PPA2: variants seen among roughly 807,000 people sequenced by gnomAD.
The protein encoded by PPA2 is inorganic pyrophosphatase 2, mitochondrial.
PPA2 carries 48 observed loss-of-function variants against 49.5 expected under a neutral mutation model. The ratio of observed to expected loss-of-function variants is 0.97; its 90% confidence interval spans 0.77 to 1.23. PPA2 has a LOEUF of 1.23. Among genes scored for constraint, PPA2 ranks in the 50% most tolerant of loss-of-function variants. PPA2 has a pLI of 0.00. For missense variants in PPA2, 429 were observed against 410.1 expected (o/e 1.05, Z -0.40); for synonymous variants, 131 against 139.9 (o/e 0.94, Z 0.45).
chr4:105,457,535 A>G (rs1722919447), intron 1 of PPA2, among the ~76,000 whole-genome samples: 1 of 152,212 alleles, frequency 6.6e-6, no homozygotes, highest in Admixed American at 6.5e-5. Context: ...AACAAAATAA[A>G]ACAAAGACTG....
At chr4:105,452,544 G>C (rs561177186) in intron 3 of PPA2, among the ~76,000 whole-genome samples, 11 of 151,956 alleles carry the variant, frequency 7.2e-5, no homozygotes, top group African/African-American at 2.7e-4. Context: ...CAGTGTAGAT[G>C]GTTCAAGAAT....
At chr4:105,454,536 G>A (rs368002774) in intron 2 of PPA2, among the ~76,000 whole-genome samples, 6 of 152,018 alleles carry the variant, frequency 3.9e-5, no homozygotes, top group Admixed American at 1.3e-4. Flanking sequence ...GGTTTCAACC[G>A]TGTTAGCCAG....
intron 6 of PPA2, among the ~76,000 whole-genome samples, chr4:105,434,135 T>G (rs945607714): frequency 6.6e-6 from 1 of 152,128 alleles, no homozygotes; most frequent in African/African-American, 2.4e-5. Flanking sequence ...ACTGCTCCAT[T>G]CTAACATGGG....
At chr4:105,456,500 A>G (rs1722880738) in intron 2 of PPA2, 181 bp downstream of exon 2, 1 of 554,436 alleles carries the variant, frequency 1.8e-6, no homozygotes, top group South Asian at 2.1e-5. Context: ...TTCCTCATGG[A>G]AGAATCCTAT....
chr4:105,435,842 C>T (rs1419697580), intron 6 of PPA2, among the ~76,000 whole-genome samples: 1 of 152,080 alleles, frequency 6.6e-6, no homozygotes, highest in Admixed American at 6.6e-5. Context: ...AAACCCATAA[C>T]CAACATCATA....
At chr4:105,411,397 C>G (rs551325526) in intron 7 of PPA2, among the ~76,000 whole-genome samples, 1 of 152,200 alleles carries the variant, frequency 6.6e-6, no homozygotes, top group South Asian at 2.1e-4. Flanking sequence ...ACAGGAGCAC[C>G]CAGATTCATA....
At chr4:105,452,027 T>C (rs992851964) in intron 3 of PPA2, among the ~76,000 whole-genome samples, 8 of 152,366 alleles carry the variant, frequency 5.3e-5, no homozygotes, top group African/African-American at 1.9e-4. Flanking sequence ...GACTGTGAAC[T>C]ACTCCTTCAG....
In PPA2 at chr4:105,399,657, G is replaced by A. The variant is rs551848008; in HGVS notation, c.656-493C>T. 1.5e-3 allele frequency: 233 copies of A among 152,428 alleles called. 2 individuals are homozygous for A. Among genetic ancestry groups the A allele is most frequent in the Non-Finnish European group, 2.7e-3 (182 of 68,234 alleles). 9.4% of individuals were successfully genotyped at this position (152,428 alleles called of 1,614,324 possible). On this transcript the variant is annotated intron_variant, in intron 7 of 11. Transcript: ENST00000341695. ...AAGGAACAGCACACATAAAAGCAAGGGACTATATTTTAGAATATACAAAGA... is the reference window on the plus strand; with the variant it reads ...AAGGAACAGCACACATAAAAGCAAGAGACTATATTTTAGAATATACAAAGA...
At chr4:105,398,341 G>A (rs1433567453) in intron 8 of PPA2, 1 of 151,474 alleles carries the variant, frequency 6.6e-6, no homozygotes, top group Non-Finnish European at 1.5e-5. Context: ...AAAACACTGA[G>A]TCCAGCAATC....
chr4:105,409,653 C>G (rs1722659086), intron 7 of PPA2, among the ~76,000 whole-genome samples: 1 of 152,198 alleles, frequency 6.6e-6, no homozygotes, highest in Non-Finnish European at 1.5e-5. Flanking sequence ...CCGACAGACA[C>G]CTCATACAGG....
rs544306597 is a variant in PPA2 at position 105,425,972 on chromosome 4, T to C, written c.529-1650A>G. On this transcript the variant is annotated intron_variant, in intron 6 of 11. Coordinates refer to ENST00000341695, the MANE Select transcript of PPA2 (RefSeq NM_176869.3). ...CAAAGAAATGAAATCTTTAAAATTCTTAAAAACGCTACCAACCTAGAATGC... is the reference window on the plus strand; with the variant it reads ...CAAAGAAATGAAATCTTTAAAATTCCTAAAAACGCTACCAACCTAGAATGC... 6.6e-5 allele frequency among the ~76,000 whole-genome samples: 10 copies of C among 152,258 alleles called. No individual in the cohort carries two copies. In the East Asian group the frequency reaches 1.9e-3, roughly 29 times the overall value.
At chr4:105,431,496 G>A (rs530441615) in intron 6 of PPA2, among the ~76,000 whole-genome samples, 3 of 152,236 alleles carry the variant, frequency 2.0e-5, no homozygotes, top group East Asian at 1.9e-4. Context: ...AATATTGTTC[G>A]TTGGAGTTAA....
At chr4:105,378,787 C>T (rs1733359689) in intron 10 of PPA2, among the ~76,000 whole-genome samples, 1 of 152,162 alleles carries the variant, frequency 6.6e-6, no homozygotes, top group Non-Finnish European at 1.5e-5. Flanking sequence ...TATTTAAGCA[C>T]TATTTGTTGA....
intron 7 of PPA2, among the ~76,000 whole-genome samples, chr4:105,422,017 T>C (rs1362104218): frequency 6.6e-6 from 1 of 151,758 alleles, no homozygotes; most frequent in African/African-American, 2.4e-5. Flanking sequence ...CACTCCATCA[T>C]GGAAGGCAGA....
chr4:105,404,990 G>A (rs939749550), intron 7 of PPA2: 1 of 160,704 alleles, frequency 6.2e-6, no homozygotes, highest in Non-Finnish European at 1.3e-5. Context: ...GGCTGAGGCA[G>A]GAGAATGGCA....
intron 6 of PPA2, among the ~76,000 whole-genome samples, chr4:105,429,116 A>T (rs1425862652): frequency 6.6e-6 from 1 of 152,124 alleles, no homozygotes; most frequent in Non-Finnish European, 1.5e-5. Flanking sequence ...TTCTTCTTCC[A>T]TCTAGAGGAA....
chr4:105,414,991 C>T lies in PPA2; in HGVS notation c.655+9205G>A, dbSNP rs185692265. ...CCCTCAGCAGAGAGGACATCCAGAG[C>T]GGGTAGCTCCTAACGCAGGCAGGTT... On this transcript the variant is annotated intron_variant, in intron 7 of 11. Transcript: ENST00000341695. Among the ~76,000 whole-genome samples the T allele has an allele frequency of 2.7e-3, 414 of 152,214 alleles. 6 individuals are homozygous for T. Among genetic ancestry groups the T allele is most frequent in the Admixed American group, 0.025 (381 of 15,310 alleles).
intron 1 of PPA2, among the ~76,000 whole-genome samples, chr4:105,467,921 G>A (rs1481410028): frequency 6.6e-6 from 1 of 152,136 alleles, no homozygotes; most frequent in African/African-American, 2.4e-5. Context: ...TAGAAAGCTG[G>A]ATGTGTAAAT....
At chr4:105,375,752 T>G (rs929007706) in intron 10 of PPA2, among the ~76,000 whole-genome samples, 1 of 152,056 alleles carries the variant, frequency 6.6e-6, no homozygotes, top group African/African-American at 2.4e-5. Context: ...GCTGTTACTG[T>G]CATGTTATCA....
Sources: gnomAD v4.1 joint callset for allele counts (sites outside exome capture counted in the v4.1 genomes callset) on GRCh38, gnomAD v4.1.1 for gene constraint, MANE v1.5 for transcripts, NCBI Gene and HGNC (gene_info 2026-07-23, HGNC 2026-07-21) for gene names.